Variants in SPAG8 observed in about 807,000 individuals in gnomAD.
SPAG8 encodes sperm associated antigen 8, also known as sperm-associated antigen 8.
Under a neutral mutation model 45.3 loss-of-function variants are expected in SPAG8, and 36 were observed. The ratio of observed to expected loss-of-function variants is 0.80; its 90% CI spans 0.61 to 1.05. The LOEUF is 1.05. SPAG8 is among the 50% of genes least tolerant of loss of function. SPAG8 has a pLI of 0.00. For synonymous variants in SPAG8, 227 were observed against 232.6 expected (o/e 0.98, Z 0.22); for missense variants, 573 against 609.2 (o/e 0.94, Z 0.63).
chr9:35,808,738 C>A (rs751630887), downstream of SPAG8: 2 of 1,612,144 alleles, frequency 1.2e-6, no homozygotes, highest in East Asian at 4.5e-5. The surrounding 1 kb of genome is among the most constrained non-coding windows in gnomAD (Gnocchi z 4.0). Flanking sequence ...ACTCTCCCAA[C>A]CTGTTTCTTC....
At position 35,811,964 on chromosome 9, in the gene SPAG8, G is replaced by A. The variant is rs545435747; in HGVS notation, c.82C>T (p.Pro28Ser). Residue 28 changes from proline (P) to serine (S), a missense_variant, in exon 2 of 7, where the codon CCC becomes TCC. Physicochemically the swap from Pro to Ser is moderately conservative, Grantham distance 74 (BLOSUM62 -1). Transcript: ENST00000396638. ...GAAGAAGGAAACGGTTCCGAAGTGG[G>A]CCCCAGTCCTTCGGAGCTGGGCTGT... is the stretch of plus-strand genomic sequence containing the variant. ...DIQPSSEGLG[P>S]TSEPFPSSDD... The A allele has an allele frequency of 2.0e-5, 32 of 1,599,430 alleles. No individual in the cohort carries two copies. The South Asian group carries it at 3.4e-4, about 17-fold the overall frequency.
At chr9:35,810,347 C>G (rs369180356) in intron 5 of SPAG8, 38 bp from the exon 6 acceptor site, 1 of 1,613,518 alleles carries the variant, frequency 6.2e-7, no homozygotes, top group Non-Finnish European at 8.5e-7. Context: ...TGGCCTTCAG[C>G]CCTCTCTCTC....
rs763176783 is a variant in SPAG8 at position 35,810,228 on chromosome 9, C to T, written c.1263+19G>A. On this transcript the variant is annotated intron_variant, in intron 6 of 6. Transcript: ENST00000396638. ...TTCCTGCCCCGCTCTGCCCCCAACA[C>T]CTAGTCACCCTCACACACCGGCAGC... is the stretch of plus-strand genomic sequence containing the variant. The T allele has an allele frequency of 6.2e-7, 1 of 1,613,838 alleles. No individual in the cohort carries two copies. The highest frequency in any genetic ancestry group is 1.1e-5 in the South Asian group (1 of 91,084).
chr9:35,809,486 T>C (rs1828641400), downstream of SPAG8: 6 of 1,614,018 alleles, frequency 3.7e-6, no homozygotes, highest in East Asian at 1.1e-4. This position sits in a 1 kb window ranked among gnomAD's most constrained non-coding sequence, Gnocchi z 4.1. Context: ...CTGCTGCTGG[T>C]ACCTGGGTGG....
At chr9:35,810,365 G>A in intron 5 of SPAG8, 56 bp from the exon 6 acceptor site, 3 of 1,612,682 alleles carry the variant, frequency 1.9e-6, no homozygotes, top group Non-Finnish European at 2.5e-6. Flanking sequence ...CTCAACCTCT[G>A]GGCTTGGTAC....
At chr9:35,811,082 A>G in intron 2 of SPAG8, 25 bp from the exon 3 acceptor site, 2 of 1,605,564 alleles carry the variant, frequency 1.2e-6, no homozygotes, top group Non-Finnish European at 1.7e-6. Flanking sequence ...TTGAATGACT[A>G]TAATATCCCT....
In SPAG8 at chr9:35,811,752, C is replaced by T. The variant is rs79261709; in HGVS notation, c.294G>A (p.Ala98=). 2.2e-3 allele frequency: 3,519 copies of T among 1,614,222 alleles called. 63 individuals are homozygous for T. The African/African-American group carries it at 0.041, about 19-fold the overall frequency. The change falls in exon 2 of 7, where the codon GCG becomes GCA. Residue 98 remains alanine, a synonymous_variant. Transcript: ENST00000396638. The part of the protein sequence containing the change: ...SDPSLLGEPC[A]GPGFTHNIAH... ...CTATATTGTGGGTAAAGCCGGGTCC[C>T]GCACAGGGCTCCCCAAGAAGGCTGG...
rs1307930979 is a variant in SPAG8 at position 35,811,949 on chromosome 9, A to G, written c.97T>C (p.Phe33Leu). The G allele has an allele frequency of 3.7e-6, 6 of 1,601,550 alleles. No individual in the cohort carries two copies. The African/African-American group carries it at 4.0e-5, about 11-fold the overall frequency. The change falls in exon 2 of 7, where the codon TTT becomes CTT. Residue 33 changes from phenylalanine to leucine, a missense_variant. Coordinates refer to ENST00000396638, the MANE Select transcript of SPAG8 (RefSeq NM_001039592.2). Reference protein sequence around the residue: ...SEGLGPTSEPFPSSDDSPRSA... With the variant: ...SEGLGPTSEPLPSSDDSPRSA... Reference sequence around the variant, plus strand: ...CTGGGACTGTCATCTGAAGAAGGAAACGGTTCCGAAGTGGGCCCCAGTCCT... The same window carrying G: ...CTGGGACTGTCATCTGAAGAAGGAAGCGGTTCCGAAGTGGGCCCCAGTCCT...
Position 35,810,076 on chromosome 9 carries a change from T to C in SPAG8, c.1320A>G (p.Ser440=). The stretch of plus-strand genomic sequence containing the variant: ...TCCCCAGAGACAAGGGTACTGGTGT[T>C]GAGAAGCTGCAGTTCTTCCGGAATG... The part of the protein sequence containing the change: ...DTPFRKNCSF[S]TPVPLSLGKL... Residue 440 remains serine (S), a synonymous_variant, in exon 7 of 7, where the codon TCA becomes TCG. Coordinates refer to ENST00000396638, the MANE Select transcript of SPAG8 (RefSeq NM_001039592.2). The C allele has an allele frequency of 6.2e-7, 1 of 1,613,556 alleles. No homozygotes were observed. The highest frequency in any genetic ancestry group is 8.5e-7 in the Non-Finnish European group (1 of 1,179,670).
In SPAG8 at chr9:35,810,292, C is replaced by T; in HGVS notation, c.1218G>A (p.Gln406=). Residue 406 remains glutamine (Q), a synonymous_variant, in exon 6 of 7, where the codon CAG becomes CAA. Coordinates refer to ENST00000396638, the MANE Select transcript of SPAG8 (RefSeq NM_001039592.2). ...PAPTKPHDYR[Q]EQPETFWIQR... is the part of the protein sequence containing the mutation. ...GTATCCAGAAGGTCTCAGGTTGCTC[C>T]TGGCGGTAGTCGTGAGGCTGTGAGG... 1.9e-6 allele frequency: 3 copies of T among 1,614,212 alleles called. 1 individual carries two copies. In the African/African-American group the frequency reaches 4.0e-5, roughly 22 times the overall value.
downstream of SPAG8, chr9:35,808,822 C>A (rs1365183863): frequency 6.2e-7 from 1 of 1,611,226 alleles, no homozygotes; most frequent in African/African-American, 1.3e-5. The surrounding 1 kb of genome is among the most constrained non-coding windows in gnomAD (Gnocchi z 4.0). Flanking sequence ...ACACAGTGAA[C>A]ACTGCTTCTC....
intron 2 of SPAG8, 21 bp from the exon 3 acceptor site, chr9:35,811,078 G>A: frequency 1.2e-6 from 2 of 1,608,374 alleles, no homozygotes; most frequent in Non-Finnish European, 1.7e-6. Flanking sequence ...CAAGTTGAAT[G>A]ACTATAATAT....
chr9:35,811,932 G>A lies in SPAG8; in HGVS notation c.114C>T (p.Asp38=). ...CAGCTGCCAGGGCCGACCTGGGACTGTCATCTGAAGAAGGAAACGGTTCCG... is the reference window on the plus strand; with the variant it reads ...CAGCTGCCAGGGCCGACCTGGGACTATCATCTGAAGAAGGAAACGGTTCCG... ...PTSEPFPSSD[D]SPRSALAAAT... is the part of the protein sequence containing the mutation. The change falls in exon 2 of 7, where the codon GAC becomes GAT. Residue 38 remains aspartate (D), a synonymous_variant. Coordinates refer to ENST00000396638, the MANE Select transcript of SPAG8 (RefSeq NM_001039592.2). 6.2e-7 allele frequency: 1 copy of A among 1,604,680 alleles called. No homozygotes were observed.
Position 35,811,448 on chromosome 9 carries a change from C to T in SPAG8, c.598G>A (p.Gly200Ser), listed in dbSNP as rs28546946. The T allele has an allele frequency of 2.1e-3, 3,369 of 1,613,856 alleles. 75 individuals are homozygous for T. In the African/African-American group the frequency reaches 0.04, roughly 19 times the overall value. Residue 200 changes from glycine (G) to serine (S), a missense_variant, in exon 2 of 7, where the codon GGT becomes AGT. Coordinates refer to ENST00000396638, the MANE Select transcript of SPAG8 (RefSeq NM_001039592.2). ...TCAGAGTCAGGGCCAGTGTCTGGAC[C>T]AGGCCCAGAGGCAGGACCAGGATGA... The part of the protein sequence containing the change: ...GSHPGPASGP[G>S]PDTGPDSELS...
chr9:35,811,811 G>C lies in SPAG8; in HGVS notation c.235C>G (p.Pro79Ala). 6.2e-7 allele frequency: 1 copy of C among 1,613,606 alleles called. No homozygotes were observed. The highest frequency in any genetic ancestry group is 1.3e-5 in the African/African-American group (1 of 75,040). ...AAALSTKTPA[P>A]CSEFMEPSSD... ...GACGGCTCCATGAACTCAGAACAGG[G>C]CGCTGGGGTCTTTGTAGATAATGCA... Residue 79 changes from proline (P) to alanine (A), a missense_variant, in exon 2 of 7, where the codon CCC becomes GCC. Coordinates refer to ENST00000396638, the MANE Select transcript of SPAG8 (RefSeq NM_001039592.2).
intron 6 of SPAG8, 38 bp downstream of exon 6, chr9:35,810,209 C>T: frequency 6.2e-7 from 1 of 1,612,284 alleles, no homozygotes; most frequent in Non-Finnish European, 8.5e-7. Context: ...ACCTTTCCTG[C>T]CCCGCTCTGC....
In SPAG8 at chr9:35,810,239, TCA is replaced by T. The variant is rs772528476; in HGVS notation, c.1263+6_1263+7del. The T allele has an allele frequency of 1.4e-4, 227 of 1,614,060 alleles. 1 individual carries two copies. The highest frequency in any genetic ancestry group is 1.6e-4 in the Middle Eastern group (1 of 6,062). On this transcript the variant is annotated splice_donor_region_variant and intron_variant, in intron 6 of 6. Transcript: ENST00000396638. ...CTCTGCCCCCAACACCTAGTCACCC[TCA>T]CACACCGGCAGCTGTGGTGCCCTCT...
In SPAG8 at chr9:35,810,423, G is replaced by A. The variant is rs779465266; in HGVS notation, c.1200+16C>T. ...CAGCTGGTGCAAGTGGCGGGGGATG[G>A]GGGGTGGGTTCTCACCTTTGTTGGG... On this transcript the variant is annotated intron_variant, in intron 5 of 6. Coordinates refer to ENST00000396638, the MANE Select transcript of SPAG8 (RefSeq NM_001039592.2). 9.9e-6 allele frequency: 16 copies of A among 1,611,092 alleles called. No individual in the cohort carries two copies. Among genetic ancestry groups the A allele is most frequent in the Non-Finnish European group, 1.2e-5 (14 of 1,177,558 alleles).
intron 6 of SPAG8, 22 bp downstream of exon 6, chr9:35,810,225 A>C (rs1196358815): frequency 6.2e-7 from 1 of 1,613,620 alleles, no homozygotes; most frequent in South Asian, 1.1e-5. Flanking sequence ...TCTGCCCCCA[A>C]CACCTAGTCA....
Sources: gnomAD v4.1 joint callset for allele counts on GRCh38, gnomAD v4.1.1 for gene constraint, Gnocchi (gnomAD v3.1) non-coding constraint, MANE v1.5 for transcripts, NCBI Gene and HGNC (gene_info 2026-07-23, HGNC 2026-07-21) for gene names.